AUTS2: variants seen among roughly 807,000 people sequenced by gnomAD.
AUTS2 encodes autism susceptibility gene 2 protein.
In AUTS2, 17 loss-of-function variants were observed where a neutral mutation model predicts 112.4. That is an observed-to-expected ratio of 0.15 (90% confidence interval 0.10 to 0.23). The LOEUF is 0.23. Among genes scored for constraint, AUTS2 ranks in the 10% least tolerant of loss-of-function variants. The pLI is 1.00. For missense variants in AUTS2, 1,510 were observed against 1,701.6 expected (o/e 0.89, Z 1.98); for synonymous variants, 751 against 702.7 (o/e 1.07, Z -1.09).
intron 4 of AUTS2, among the ~76,000 whole-genome samples, chr7:70,148,230 T>G (rs1807239560): frequency 6.6e-6 from 1 of 152,110 alleles, no homozygotes; most frequent in Non-Finnish European, 1.5e-5. Flanking sequence ...TAAGAAGACT[T>G]AGAGTTTTTG....
chr7:69,751,329 A>G (rs990441430), intron 1 of AUTS2, among the ~76,000 whole-genome samples: 1 of 152,162 alleles, frequency 6.6e-6, no homozygotes, highest in African/African-American at 2.4e-5. Context: ...CATTTGTTGC[A>G]TGATTTTCAA....
At chr7:69,614,372 A>T (rs940759174) in intron 1 of AUTS2, among the ~76,000 whole-genome samples, 1 of 5,060 alleles carries the variant, frequency 2.0e-4, no homozygotes, top group Non-Finnish European at 4.6e-4. Context: ...TTCTTTTTTT[A>T]AGAGATGGGA....
At chr7:70,428,665 C>G (rs1216484615) in intron 4 of AUTS2, among the ~76,000 whole-genome samples, 4 of 152,292 alleles carry the variant, frequency 2.6e-5, no homozygotes, top group South Asian at 4.1e-4. Context: ...GTATTCAGCC[C>G]TGACATCTTT....
chr7:70,470,486 A>C (rs1264080452), intron 5 of AUTS2, among the ~76,000 whole-genome samples: 4 of 152,250 alleles, frequency 2.6e-5, no homozygotes, highest in African/African-American at 9.6e-5. Flanking sequence ...CACAGCAGTT[A>C]GTACTGTGAC....
chr7:70,328,636 C>T (rs1202166475), intron 4 of AUTS2, among the ~76,000 whole-genome samples: 1 of 152,138 alleles, frequency 6.6e-6, no homozygotes, highest in Non-Finnish European at 1.5e-5. Context: ...GTAGACCTTA[C>T]TCTCAAGAAG....
chr7:70,168,801 G>A (rs1384316076), intron 4 of AUTS2, among the ~76,000 whole-genome samples: 2 of 152,156 alleles, frequency 1.3e-5, no homozygotes, highest in Admixed American at 1.3e-4. Context: ...AAAGTTCTCT[G>A]TGTGCTGGTG....
At chr7:70,645,216 C>T (rs1045184119) in intron 5 of AUTS2, among the ~76,000 whole-genome samples, 1 of 148,146 alleles carries the variant, frequency 6.8e-6, no homozygotes, top group African/African-American at 2.5e-5. Context: ...CACCCTCCCG[C>T]CCCCTCAGCC....
rs1789664154 is a variant in AUTS2, at chr7:70,763,001, C to G, written c.874C>G (p.Pro292Ala). ...QDCCKEPIFE[P>A]VVLKDPCPQV... Reference sequence around the variant, plus strand: ...CTGTTGCAAAGAGCCAATCTTTGAGCCTGTGGTGCTTAAAGACCCCTGCCC... The same window carrying G: ...CTGTTGCAAAGAGCCAATCTTTGAGGCTGTGGTGCTTAAAGACCCCTGCCC... Residue 292 changes from proline to alanine, a missense_variant, in exon 7 of 19, where the codon CCT becomes GCT. By Grantham distance (27) the Pro-to-Ala change is conservative. Transcript: ENST00000342771. 2 of 1,613,982 alleles carry G rather than the reference C, an allele frequency of 1.2e-6. No individual in the cohort carries two copies.
chr7:69,607,642 T>C (rs1439639247), intron 1 of AUTS2, among the ~76,000 whole-genome samples: 1 of 152,184 alleles, frequency 6.6e-6, no homozygotes, highest in East Asian at 1.9e-4. Flanking sequence ...ATCAACTACA[T>C]ACAAATATTT....
chr7:69,909,988 C>T (rs746076975), intron 2 of AUTS2, among the ~76,000 whole-genome samples: 3 of 152,088 alleles, frequency 2.0e-5, no homozygotes, highest in Admixed American at 1.3e-4. Context: ...TTTTGAAATA[C>T]AAAGCTGGGT....
At chr7:70,171,181 T>C (rs1236766463) in intron 4 of AUTS2, among the ~76,000 whole-genome samples, 1 of 152,178 alleles carries the variant, frequency 6.6e-6, no homozygotes, top group Non-Finnish European at 1.5e-5. Context: ...TTCTTTAAAA[T>C]GGAAAGTTAG....
chr7:70,648,580 GT>G (rs1333800185), intron 5 of AUTS2, among the ~76,000 whole-genome samples: 1 of 151,972 alleles, frequency 6.6e-6, no homozygotes, highest in Non-Finnish European at 1.5e-5. Flanking sequence ...TTGGTTTTTT[GT>G]TTTGTTTCGT....
intron 4 of AUTS2, among the ~76,000 whole-genome samples, chr7:70,246,896 G>GT (rs943345558): frequency 6.6e-6 from 1 of 150,730 alleles, no homozygotes; most frequent in Non-Finnish European, 1.5e-5. Context: ...TTCTCTATAT[G>GT]TTTTTTTTAT....
chr7:70,435,473 A>G (rs1317327266), intron 4 of AUTS2, among the ~76,000 whole-genome samples: 2 of 152,190 alleles, frequency 1.3e-5, no homozygotes, highest in Non-Finnish European at 2.9e-5. Flanking sequence ...CACTTGTGTG[A>G]TTGAGCACCT....
At position 70,771,605 on chromosome 7, in the gene AUTS2, T is replaced by C; in HGVS notation, c.1791T>C (p.Thr597=). ...GCATCCCCCCTATGATCCCACCCAC[T>C]GGCCCTTTTGGTTCACTACAAGGAG... The part of the protein sequence containing the change: ...VSGIPPMIPP[T]GPFGSLQGAF... Residue 597 remains threonine (T), a synonymous_variant, in exon 11 of 19, where the codon ACT becomes ACC. Transcript: ENST00000342771. The C allele has an allele frequency of 1.2e-6, 2 of 1,613,914 alleles. No homozygotes were observed. Among genetic ancestry groups the C allele is most frequent in the Non-Finnish European group, 1.7e-6 (2 of 1,179,816 alleles).
chr7:70,180,067 G>A (rs535004899), intron 4 of AUTS2, among the ~76,000 whole-genome samples: 7 of 152,274 alleles, frequency 4.6e-5, no homozygotes, highest in South Asian at 2.1e-4. Context: ...TGTGGTAAGC[G>A]TAGAAATAGT....
intron 5 of AUTS2, among the ~76,000 whole-genome samples, chr7:70,530,454 A>G (rs1585261542): frequency 6.6e-6 from 1 of 152,270 alleles, no homozygotes; most frequent in South Asian, 2.1e-4. Flanking sequence ...TTGGACAATC[A>G]TGGTAGTTAG....
intron 3 of AUTS2, among the ~76,000 whole-genome samples, chr7:70,122,559 T>A (rs936392524): frequency 6.6e-6 from 1 of 152,188 alleles, no homozygotes; most frequent in Non-Finnish European, 1.5e-5. Context: ...TGCCAGACAT[T>A]ATAAAATCCT....
intron 4 of AUTS2, among the ~76,000 whole-genome samples, chr7:70,425,205 G>GA (rs1426349260): frequency 6.6e-6 from 1 of 152,160 alleles, no homozygotes; most frequent in Non-Finnish European, 1.5e-5. Flanking sequence ...ATTACCTGGG[G>GA]AAAAAGAACT....
Sources: allele counts gnomAD v4.1 joint callset (sites outside exome capture counted in the v4.1 genomes callset), GRCh38; gene constraint gnomAD v4.1.1; transcripts MANE v1.5; gene names NCBI Gene and HGNC (gene_info 2026-07-23, HGNC 2026-07-21).